The following CAPN2 variants were observed in gnomAD, a reference collection of about 807,000 sequenced individuals.
The protein encoded by CAPN2 is calpain 2.
Under a neutral mutation model 102.3 loss-of-function variants are expected in CAPN2, and 92 were observed. The observed-to-expected ratio is 0.90, with a 90% CI of 0.76 to 1.07. The LOEUF (loss-of-function observed/expected upper bound fraction) is 1.07, where lower values mean the gene tolerates loss of function less well. Among genes scored for constraint, CAPN2 ranks in the 50% least tolerant of loss-of-function variants. The pLI, the probability that CAPN2 is intolerant of heterozygous loss-of-function variation, is 0.00. For synonymous variants in CAPN2, 340 were observed against 355.4 expected (o/e 0.96, Z 0.49); for missense variants, 800 against 909.4 (o/e 0.88, Z 1.55).
chr1:223,716,644 G>A (rs570677830), intron 1 of CAPN2, among the ~76,000 whole-genome samples: 1 of 151,970 alleles, frequency 6.6e-6, no homozygotes, highest in East Asian at 1.9e-4. Context: ...GCCGTTGGGT[G>A]GAGGCAGGCG....
chr1:223,738,564 G>A (rs766757886), intron 2 of CAPN2, among the ~76,000 whole-genome samples: 3 of 152,160 alleles, frequency 2.0e-5, no homozygotes, highest in South Asian at 4.1e-4. Context: ...AGTCAAGAAC[G>A]CAGGCCAGTT....
rs375439997 is a variant in CAPN2, at chr1:223,734,840, A to C, written c.308-9260A>C. ...TTCATTTAATTCTCAGTGCCATGAG[A>C]CAGTCTATTATTATTAAACCTATGT... is the stretch of plus-strand genomic sequence containing the variant. On this transcript the variant is annotated intron_variant, in intron 2 of 20. Transcript: ENST00000295006. 2.3e-4 allele frequency among the ~76,000 whole-genome samples: 35 copies of C among 152,146 alleles called. 1 individual carries two copies. The highest frequency in any genetic ancestry group is 7.9e-4 in the Admixed American group (12 of 15,276).
chr1:223,770,560 T>G (rs770597232), intron 18 of CAPN2, 35 bp downstream of exon 18: 1 of 1,379,730 alleles, frequency 7.2e-7, no homozygotes, highest in Non-Finnish European at 1.0e-6. Flanking sequence ...GTTCCTAGTT[T>G]AATCTGTCTG....
At chr1:223,709,766 A>C (rs1659692237), upstream of CAPN2, among the ~76,000 whole-genome samples, 1 of 152,254 alleles carries the variant, frequency 6.6e-6, no homozygotes, top group South Asian at 2.1e-4. Context: ...CATGACGTGA[A>C]GAGTACTGAA....
Position 223,738,296 on chromosome 1 carries a change from C to T in CAPN2, c.308-5804C>T, listed in dbSNP as rs148507909. ...GCCTCAGCCTCCCAAGTTGCTGGGA[C>T]GATAGAAGCATGACACCACACCTGG... On this transcript the variant is annotated intron_variant, in intron 2 of 20. Transcript: ENST00000295006. Among the ~76,000 whole-genome samples the T allele has an allele frequency of 1.4e-4, 21 of 151,946 alleles. No homozygotes were observed. The East Asian group carries it at 4.1e-3, about 30-fold the overall frequency.
At position 223,731,009 on chromosome 1, in the gene CAPN2, C is replaced by T. The variant is rs1253317288; in HGVS notation, c.308-13091C>T. Among the ~76,000 whole-genome samples, 1 of 152,152 alleles carries T rather than the reference C, an allele frequency of 6.6e-6. No individual in the cohort carries two copies. Among genetic ancestry groups the T allele is most frequent in the African/African-American group, 2.4e-5 (1 of 41,430 alleles). On this transcript the variant is annotated intron_variant, in intron 2 of 20. Transcript: ENST00000295006. The surrounding 1 kb of genome is among the most constrained non-coding windows in gnomAD (Gnocchi z 4.2). ...CAGGGAGCTATGGAAGTAGTGGAGG[C>T]AAATTATTAAATGGATGGATTAATT...
At chr1:223,762,401 C>G (rs927769919) in intron 14 of CAPN2, 150 bp downstream of exon 14, 2 of 666,914 alleles carry the variant, frequency 3.0e-6, no homozygotes, top group African/African-American at 3.5e-5. Flanking sequence ...GGTTCCAGCT[C>G]AGCCCTCTTG....
At chr1:223,762,677 CTTTTT>C (rs1189449899) in intron 14 of CAPN2, among the ~76,000 whole-genome samples, 2 of 151,958 alleles carry the variant, frequency 1.3e-5, no homozygotes, top group Non-Finnish European at 2.9e-5. Context: ...GTTCTCTTTT[CTTTTT>C]TCTTTTTTTC....
At chr1:223,709,464 C>A (rs1659682438), upstream of CAPN2, among the ~76,000 whole-genome samples, 1 of 152,012 alleles carries the variant, frequency 6.6e-6, no homozygotes, top group African/African-American at 2.4e-5. Context: ...AGTTCGAGAC[C>A]AGCCTAGCCA....
chr1:223,774,478 C>T (rs762870336), intron 20 of CAPN2, among the ~76,000 whole-genome samples: 1 of 152,186 alleles, frequency 6.6e-6, no homozygotes, highest in Non-Finnish European at 1.5e-5. Context: ...AACTTAGAAC[C>T]AATGCTGAAC....
chr1:223,721,788 C>G (rs1226669391), intron 2 of CAPN2, among the ~76,000 whole-genome samples: 1 of 152,202 alleles, frequency 6.6e-6, no homozygotes, highest in Non-Finnish European at 1.5e-5. Flanking sequence ...CTTATTTGGA[C>G]CCAACCCCTC....
intron 5 of CAPN2, among the ~76,000 whole-genome samples, chr1:223,748,620 G>A (rs1318623069): frequency 3.9e-5 from 6 of 152,136 alleles, no homozygotes; most frequent in Admixed American, 3.9e-4. Flanking sequence ...GCCACTCAAG[G>A]CTGTCTGGGT....
chr1:223,722,658 T>C (rs961083462), intron 2 of CAPN2, among the ~76,000 whole-genome samples: 3 of 151,902 alleles, frequency 2.0e-5, no homozygotes, highest in Non-Finnish European at 4.4e-5. Context: ...GTTAATAGAC[T>C]TTTTTTTAAG....
chr1:223,752,452 G>A (rs1485054862), intron 8 of CAPN2, among the ~76,000 whole-genome samples: 2 of 152,230 alleles, frequency 1.3e-5, no homozygotes, highest in African/African-American at 4.8e-5. Context: ...ACATGTCTGT[G>A]TGTCTGCGCC....
rs145018850 is a variant in CAPN2, at chr1:223,727,400, A to T, written c.307+9569A>T. On this transcript the variant is annotated intron_variant, in intron 2 of 20. Coordinates refer to ENST00000295006, the MANE Select transcript of CAPN2 (RefSeq NM_001748.5). This position sits in a 1 kb window ranked among gnomAD's most constrained non-coding sequence, Gnocchi z 4.1. The stretch of plus-strand genomic sequence containing the variant: ...CTCTACCCACACACCCCCGTGTGCC[A>T]CTCAAAAATGTCTGCAGACCTTGCC... Among the ~76,000 whole-genome samples the T allele has an allele frequency of 3.6e-3, 543 of 152,198 alleles. 2 individuals are homozygous for T. The highest frequency in any genetic ancestry group is 0.012 in the African/African-American group (510 of 41,516).
intron 3 of CAPN2, 68 bp from the exon 4 acceptor site, chr1:223,745,238 G>A: frequency 6.2e-7 from 1 of 1,604,394 alleles, no homozygotes; most frequent in Non-Finnish European, 8.5e-7. Context: ...GGAGCCAGAG[G>A]CAGCTGAGGC....
chr1:223,749,222 G>A (rs900844670), intron 6 of CAPN2, 100 bp downstream of exon 6: 1 of 1,041,800 alleles, frequency 9.6e-7, no homozygotes. Flanking sequence ...GCCCCACGGT[G>A]GTCCAGTTTA....
At chr1:223,761,791 G>A in intron 13 of CAPN2, 174 bp downstream of exon 13, 1 of 589,200 alleles carries the variant, frequency 1.7e-6, no homozygotes, top group Non-Finnish European at 3.0e-6. Context: ...CCTCTGTGCT[G>A]GGGGCATGGG....
rs1315799022 is a variant in CAPN2 at position 223,725,532 on chromosome 1, GGGA to G, written c.307+7703_307+7705del. ...CTCTTTGGGGACAGTACAGCTGGAG[GGGA>G]GTACTGTCAAATGAGGTCGCGTCGC... On this transcript the variant is annotated intron_variant, in intron 2 of 20. Transcript: ENST00000295006. This position sits in a 1 kb window ranked among gnomAD's most constrained non-coding sequence, Gnocchi z 4.1. 2.6e-5 allele frequency among the ~76,000 whole-genome samples: 4 copies of G among 152,188 alleles called. No individual in the cohort carries two copies. The East Asian group carries it at 7.7e-4, about 29-fold the overall frequency.
Sources: gnomAD v4.1 joint callset for allele counts (sites outside exome capture counted in the v4.1 genomes callset) on GRCh38, gnomAD v4.1.1 for gene constraint, Gnocchi (gnomAD v3.1) non-coding constraint, MANE v1.5 for transcripts, NCBI Gene and HGNC (gene_info 2026-07-23, HGNC 2026-07-21) for gene names.